The following UBE2R2 variants were observed in gnomAD, a reference collection of about 807,000 sequenced individuals.
UBE2R2 encodes ubiquitin-conjugating enzyme E2 R2.
A neutral mutation model predicts 27.8 loss-of-function variants in UBE2R2; 1 was observed. The ratio of observed to expected loss-of-function variants is 0.04; its 90% CI spans 0.01 to 0.17. The LOEUF (loss-of-function observed/expected upper bound fraction) is 0.17, where lower values mean the gene tolerates loss of function less well. Among genes scored for constraint, UBE2R2 ranks in the 10% least tolerant of loss-of-function variants. The pLI, the probability that UBE2R2 is intolerant of heterozygous loss-of-function variation, is 1.00. For missense variants in UBE2R2, 100 were observed against 291.0 expected, an observed-to-expected ratio of 0.34 and a Z score of 4.78; for synonymous variants, 106 against 113.3, an observed-to-expected ratio of 0.94 and a Z score of 0.41.
chr9:33,894,258 C>T (rs1408694737), intron 2 of UBE2R2, among the ~76,000 whole-genome samples: 1 of 151,828 alleles, frequency 6.6e-6, no homozygotes, highest in Non-Finnish European at 1.5e-5. Context: ...ATAGCAAGAT[C>T]CCCATCTCTA....
intron 1 of UBE2R2, among the ~76,000 whole-genome samples, chr9:33,864,672 C>G (rs1171237522): frequency 1.3e-5 from 2 of 151,294 alleles, no homozygotes; most frequent in African/African-American, 4.9e-5. Context: ...GCTGAAGCCT[C>G]CTGAGTAGCT....
chr9:33,866,862 G>A (rs1029915481), intron 1 of UBE2R2, among the ~76,000 whole-genome samples: 4 of 152,108 alleles, frequency 2.6e-5, no homozygotes, highest in Admixed American at 6.6e-5. Context: ...GATTGTGTAT[G>A]TGAATCCACA....
intron 1 of UBE2R2, among the ~76,000 whole-genome samples, chr9:33,873,222 T>C (rs942499729): frequency 3.3e-5 from 5 of 150,068 alleles, no homozygotes; most frequent in African/African-American, 1.2e-4. Flanking sequence ...GATACTACTT[T>C]AACTTAATTA....
rs369721354 is a variant in UBE2R2, at chr9:33,880,419, G to T, written c.178-6462G>T. On this transcript the variant is annotated intron_variant, in intron 1 of 4. Coordinates refer to ENST00000263228, the MANE Select transcript of UBE2R2 (RefSeq NM_017811.4). The stretch of plus-strand genomic sequence containing the variant: ...GTTACGTAATTTCCAAATGTTTGGG[G>T]ATTTACTAAATATCTTTGAATTTAG... Among the ~76,000 whole-genome samples, 19 of 152,146 alleles carry T rather than the reference G, an allele frequency of 1.2e-4. 2 individuals are homozygous for T. The highest frequency in any genetic ancestry group is 4.3e-4 in the African/African-American group (18 of 41,506).
chr9:33,876,331 G>A (rs1821602357), intron 1 of UBE2R2, among the ~76,000 whole-genome samples: 1 of 152,130 alleles, frequency 6.6e-6, no homozygotes, highest in Non-Finnish European at 1.5e-5. Flanking sequence ...ACTCTAGCCT[G>A]GGCGACAGAG....
intron 1 of UBE2R2, among the ~76,000 whole-genome samples, chr9:33,839,037 G>C (rs190472923): frequency 6.7e-6 from 1 of 148,266 alleles, no homozygotes; most frequent in African/African-American, 2.5e-5. Flanking sequence ...AGCTGAGATC[G>C]AGGCACTGTA....
intron 1 of UBE2R2, among the ~76,000 whole-genome samples, chr9:33,844,166 A>G (rs1030802402): frequency 6.6e-6 from 1 of 152,088 alleles, no homozygotes; most frequent in African/African-American, 2.4e-5. Flanking sequence ...AGTTTTATTA[A>G]TTTGTCCAAT....
At chr9:33,832,577 A>C (rs1269138072) in intron 1 of UBE2R2, among the ~76,000 whole-genome samples, 1 of 151,426 alleles carries the variant, frequency 6.6e-6, no homozygotes, top group Non-Finnish European at 1.5e-5. Context: ...GAATGACGTC[A>C]ACCTGGGAGG....
At chr9:33,897,060 G>C (rs1294389517) in intron 2 of UBE2R2, among the ~76,000 whole-genome samples, 7 of 97,324 alleles carry the variant, frequency 7.2e-5, no homozygotes, top group African/African-American at 2.7e-4. Flanking sequence ...TTTTTGAGAC[G>C]GAGTCTCGCT....
intron 1 of UBE2R2, among the ~76,000 whole-genome samples, chr9:33,833,032 C>G (rs910722623): frequency 1.3e-5 from 2 of 152,042 alleles, no homozygotes; most frequent in African/African-American, 4.8e-5. Context: ...ACAATGAGTC[C>G]TCACTAATTT....
chr9:33,904,275 A>G (rs1453510064), intron 3 of UBE2R2, among the ~76,000 whole-genome samples: 3 of 152,064 alleles, frequency 2.0e-5, no homozygotes, highest in African/African-American at 7.2e-5. Context: ...ATGGGCAACT[A>G]TTTTCCTTCT....
chr9:33,879,035 A>G (rs1821675281), intron 1 of UBE2R2, among the ~76,000 whole-genome samples: 1 of 152,148 alleles, frequency 6.6e-6, no homozygotes, highest in African/African-American at 2.4e-5. Context: ...TGAGCCCAGA[A>G]GTTTGAGACC....
chr9:33,917,294 C>A lies in UBE2R2; in HGVS notation c.*57C>A. On this transcript the variant is annotated 3_prime_UTR_variant, in exon 5 of 5. Coordinates refer to ENST00000263228, the MANE Select transcript of UBE2R2 (RefSeq NM_017811.4). Reference sequence around the variant, plus strand: ...CCATCTCAGGCCAAAGGGAGGGGAGCAAGTGGGGACCTGGCCATGGCCCCT... The same window carrying A: ...CCATCTCAGGCCAAAGGGAGGGGAGAAAGTGGGGACCTGGCCATGGCCCCT... 2.5e-6 allele frequency: 4 copies of A among 1,600,192 alleles called. No individual in the cohort carries two copies. The highest frequency in any genetic ancestry group is 2.6e-6 in the Non-Finnish European group (3 of 1,174,436).
chr9:33,817,727 G>A lies in UBE2R2; in HGVS notation c.-31G>A, dbSNP rs1473077101. On this transcript the variant is annotated 5_prime_UTR_variant, in exon 1 of 5. Coordinates refer to ENST00000263228, the MANE Select transcript of UBE2R2 (RefSeq NM_017811.4). Reference sequence around the variant, plus strand: ...CCGGTGCGTGAGGACTGGGGCCCGGGCCCGGCGCCGCCGCCGCCGCCGCCG... The same window carrying A: ...CCGGTGCGTGAGGACTGGGGCCCGGACCCGGCGCCGCCGCCGCCGCCGCCG... The A allele has an allele frequency of 4.7e-6, 7 of 1,485,986 alleles. No homozygotes were observed. Among genetic ancestry groups the A allele is most frequent in the Non-Finnish European group, 6.3e-6 (7 of 1,116,030 alleles). 92.1% of individuals were successfully genotyped at this position (1,485,986 alleles called of 1,614,324 possible).
intron 1 of UBE2R2, among the ~76,000 whole-genome samples, chr9:33,845,090 C>CA (rs1820814428): frequency 6.6e-6 from 1 of 152,042 alleles, no homozygotes; most frequent in African/African-American, 2.4e-5. Flanking sequence ...GGTTTTTAAT[C>CA]AACTGTTGAT....
At chr9:33,825,580 T>C (rs1287456358) in intron 1 of UBE2R2, among the ~76,000 whole-genome samples, 1 of 152,042 alleles carries the variant, frequency 6.6e-6, no homozygotes, top group East Asian at 1.9e-4. Context: ...AGTTAGACCA[T>C]TTTTCAACAT....
intron 2 of UBE2R2, among the ~76,000 whole-genome samples, chr9:33,895,130 C>T (rs954617268): frequency 1.1e-4 from 16 of 152,190 alleles, no homozygotes; most frequent in African/African-American, 3.9e-4. Flanking sequence ...TGCCTTTTCA[C>T]TTTCTTGATA....
At chr9:33,833,835 C>T (rs1820552105) in intron 1 of UBE2R2, among the ~76,000 whole-genome samples, 1 of 152,182 alleles carries the variant, frequency 6.6e-6, no homozygotes, top group Admixed American at 6.6e-5. Flanking sequence ...TCTCAATTCT[C>T]CTTTCTGTCT....
intron 1 of UBE2R2, among the ~76,000 whole-genome samples, chr9:33,848,231 C>A (rs957243016): frequency 1.3e-5 from 2 of 152,088 alleles, no homozygotes; most frequent in Admixed American, 6.6e-5. Context: ...CTTCTATTTT[C>A]TTTTAATATA....
Sources: allele counts gnomAD v4.1 joint callset (sites outside exome capture counted in the v4.1 genomes callset), GRCh38; gene constraint gnomAD v4.1.1; transcripts MANE v1.5; gene names NCBI Gene and HGNC (gene_info 2026-07-23, HGNC 2026-07-21).